FAT2: variants seen among roughly 807,000 people sequenced by gnomAD.
FAT2 encodes the protein FAT atypical cadherin 2, also known as protocadherin Fat 2.
In FAT2, 150 loss-of-function variants were observed where a neutral mutation model predicts 295.3. The ratio of observed to expected loss-of-function variants is 0.51; its 90% CI spans 0.44 to 0.58. The LOEUF is 0.58. FAT2 is among the 20% of genes least tolerant of loss of function. The pLI is 0.00. For synonymous variants in FAT2, 2,026 were observed against 2,150.3 expected, an observed-to-expected ratio of 0.94 and a Z score of 1.60; for missense variants, 4,868 against 5,442.7, an observed-to-expected ratio of 0.89 and a Z score of 3.32.
In FAT2 at chr5:151,505,620, T is replaced by C. The variant is rs781585839; in HGVS notation, c.12995A>G (p.Glu4332Gly). ...QGQPRVPPNY[E>G]GSDMVESDYG... The stretch of plus-strand genomic sequence containing the variant: ...ATCACTCTCCACCATGTCAGAGCCC[T>C]CATAGTTGGGGGGCACCCGGGGCTG... The change falls in exon 24 of 24, where the codon GAG becomes GGG. Residue 4332 changes from glutamate to glycine, a missense_variant. Transcript: ENST00000261800. 1.2e-5 allele frequency: 20 copies of C among 1,614,016 alleles called. No individual in the cohort carries two copies. In the Admixed American group the frequency reaches 2.2e-4, roughly 17 times the overall value.
chr5:151,570,133 A>G (rs1758462435), intron 1 of FAT2, among the ~76,000 whole-genome samples: 1 of 152,240 alleles, frequency 6.6e-6, no homozygotes. Context: ...ACTAAGGTTC[A>G]TAAAAGGAAG....
At chr5:151,556,244 AC>A in intron 4 of FAT2, 99 bp downstream of exon 4, 1 of 983,090 alleles carries the variant, frequency 1.0e-6, no homozygotes, top group Non-Finnish European at 1.6e-6. Flanking sequence ...TCCTCCCTGA[AC>A]CCAGACCCTC....
intron 10 of FAT2, 30 bp from the exon 11 acceptor site, chr5:151,540,793 C>G: frequency 6.3e-7 from 1 of 1,587,936 alleles, no homozygotes; most frequent in Non-Finnish European, 8.6e-7. Context: ...CTTTCAGAAG[C>G]CAAGCAATAG....
chr5:151,584,626 T>TA (rs1280086841), intron 1 of FAT2, among the ~76,000 whole-genome samples: 3 of 152,182 alleles, frequency 2.0e-5, no homozygotes, highest in African/African-American at 7.2e-5. Context: ...ACCTAGCACT[T>TA]AGTGAGCGCT....
At chr5:151,571,319 G>C (rs536234281) in intron 1 of FAT2, among the ~76,000 whole-genome samples, 1 of 152,250 alleles carries the variant, frequency 6.6e-6, no homozygotes, top group African/African-American at 2.4e-5. Flanking sequence ...CCAAGGGAAA[G>C]TGAGTCCTCA....
In FAT2 at chr5:151,545,400, A is replaced by G. The variant is rs1376341068; in HGVS notation, c.5727T>C (p.Thr1909=). 2.5e-6 allele frequency: 4 copies of G among 1,614,204 alleles called. No individual in the cohort carries two copies. The East Asian group carries it at 6.7e-5, about 27-fold the overall frequency. Residue 1909 remains threonine, a synonymous_variant, in exon 10 of 24, where the codon ACT becomes ACC. Transcript: ENST00000261800. ...TGGTAACAGCTTCATCAGCATTGCC[A>G]GTTTTGATGCTATAATTGACTTCTG... The part of the protein sequence containing the change: ...EDSEVNYSIK[T]GNADEAVTIH...
chr5:151,551,333 G>C, intron 7 of FAT2, 134 bp downstream of exon 7: 1 of 922,100 alleles, frequency 1.1e-6, no homozygotes, highest in Non-Finnish European at 1.6e-6. Flanking sequence ...GAGTGTATTA[G>C]ACAAGAACTT....
chr5:151,538,163 G>A (rs1000552493), intron 11 of FAT2, among the ~76,000 whole-genome samples: 1 of 152,168 alleles, frequency 6.6e-6, no homozygotes, highest in African/African-American at 2.4e-5. Context: ...GATGAAACAT[G>A]CAAGGAAAAC....
rs1278083143 is a variant in FAT2, at chr5:151,544,617, C to G, written c.6510G>C (p.Leu2170=). 2.5e-6 allele frequency: 4 copies of G among 1,614,118 alleles called. No homozygotes were observed. Among genetic ancestry groups the G allele is most frequent in the Non-Finnish European group, 3.4e-6 (4 of 1,180,018 alleles). The change falls in exon 10 of 24, where the codon CTG becomes CTC. Residue 2170 remains leucine (L), a synonymous_variant. Transcript: ENST00000261800. ...TGACTTTGTAATAAGGACTCTGAAA[C>G]AGTGGGTTGGATTTATTTCTCACAG... ...LVTVRNKSNP[L]FQSPYYKVRV...
intron 1 of FAT2, among the ~76,000 whole-genome samples, chr5:151,590,331 C>T (rs1759350149): frequency 6.6e-6 from 1 of 152,218 alleles, no homozygotes; most frequent in Admixed American, 6.5e-5. Flanking sequence ...TTTCTGAGCC[C>T]TTGGCAAACT....
chr5:151,547,082 T>G (rs2127615825), intron 9 of FAT2, among the ~76,000 whole-genome samples: 1 of 152,312 alleles, frequency 6.6e-6, no homozygotes, highest in Non-Finnish European at 1.5e-5. Flanking sequence ...ATTAACTCAC[T>G]CAAATTTTGA....
rs1753476061 is a variant in FAT2 at position 151,521,687 on chromosome 5, A to C, written c.10906T>G (p.Tyr3636Asp). 1.2e-6 allele frequency: 2 copies of C among 1,614,004 alleles called. No homozygotes were observed. The highest frequency in any genetic ancestry group is 1.7e-6 in the Non-Finnish European group (2 of 1,180,008). Residue 3636 changes from tyrosine to aspartate, a missense_variant, in exon 19 of 24, where the codon TAC becomes GAC. Around this residue, in one of 5 missense-constraint regions of FAT2, gnomAD observed 1,046 missense variants for 1,210.1 expected, o/e 0.86. Coordinates refer to ENST00000261800, the MANE Select transcript of FAT2 (RefSeq NM_001447.3). ...ACCAGCTCCTCGGGGGTGAGCTGGT[A>C]GAAGCCCATCCACATGGCCTGCTGC... Reference protein sequence around the residue: ...ALQQAMWMGFYQLTPEELVSD... With the variant: ...ALQQAMWMGFDQLTPEELVSD...
At chr5:151,554,212 C>G (rs939127486) in intron 5 of FAT2, 150 bp downstream of exon 5, 5 of 713,608 alleles carry the variant, frequency 7.0e-6, no homozygotes, top group Middle Eastern at 4.0e-4. Flanking sequence ...TTGGCTGAAG[C>G]TGAGACTCCC....
chr5:151,512,855 A>AAACTGAGGC lies in FAT2; in HGVS notation c.11464-258_11464-250dup. The AAACTGAGGC allele has an allele frequency of 1.9e-6, 1 of 532,316 alleles. No individual in the cohort carries two copies. Among genetic ancestry groups the AAACTGAGGC allele is most frequent in the Non-Finnish European group, 3.4e-6 (1 of 297,402 alleles). 33.0% of individuals were successfully genotyped at this position (532,316 alleles called of 1,614,324 possible). ...GTGACATCTCCATTCACAGATGAGG[A>AAACTGAGGC]AACTGAGGCCGAGAGATGCTTTGCT... On this transcript the variant is annotated intron_variant, in intron 20 of 23. Coordinates refer to ENST00000261800, the MANE Select transcript of FAT2 (RefSeq NM_001447.3). This position sits in a 1 kb window ranked among gnomAD's most constrained non-coding sequence, Gnocchi z 4.1.
At chr5:151,576,179 T>C (rs1758740233) in intron 1 of FAT2, among the ~76,000 whole-genome samples, 1 of 152,130 alleles carries the variant, frequency 6.6e-6, no homozygotes, top group Admixed American at 6.5e-5. Flanking sequence ...TAGAAAGATA[T>C]GGAAGGGAAA....
At chr5:151,516,638 A>T (rs1436018985) in intron 20 of FAT2, among the ~76,000 whole-genome samples, 1 of 152,200 alleles carries the variant, frequency 6.6e-6, no homozygotes, top group Non-Finnish European at 1.5e-5. Flanking sequence ...TATTATGTTT[A>T]TGTTTATTGT....
At position 151,568,825 on chromosome 5, in the gene FAT2, G is replaced by T. The variant is rs574821566; in HGVS notation, c.107C>A (p.Ser36Tyr). ...TTCATAGATGGTGGCATTGTAATGG[G>T]AGTGTGTGAAGTGCCAAGCAGAGGA... ...LSSSAWHFTH[S>Y]HYNATIYENS... Residue 36 changes from serine (S) to tyrosine (Y), a missense_variant, in exon 2 of 24, where the codon TCC becomes TAC. Physicochemically the swap from Ser to Tyr is moderately radical, Grantham distance 144. Transcript: ENST00000261800. The T allele has an allele frequency of 4.8e-5, 78 of 1,614,100 alleles. 1 individual carries two copies. In the South Asian group the frequency reaches 7.8e-4, roughly 16 times the overall value.
At position 151,529,239 on chromosome 5, in the gene FAT2, G is replaced by A. The variant is rs1279326327; in HGVS notation, c.9965C>T (p.Pro3322Leu). 9.9e-6 allele frequency: 16 copies of A among 1,613,996 alleles called. No individual in the cohort carries two copies. The East Asian group carries it at 3.3e-4, about 34-fold the overall frequency. Residue 3322 changes from proline (P) to leucine (L), a missense_variant, in exon 15 of 24, where the codon CCC becomes CTC. Pro to Leu is a moderately conservative substitution (Grantham distance 98, BLOSUM62 -3). Around this residue, in one of 5 missense-constraint regions of FAT2, gnomAD observed 1,046 missense variants for 1,210.1 expected, o/e 0.86. Transcript: ENST00000261800. ...TDVNEHRPQF[P>L]QDPYSTRVLE... Reference sequence around the variant, plus strand: ...GACCCTTGTGCTATATGGATCTTGGGGGAATTGGGGCCGGTGTTCATTGAC... The same window carrying A: ...GACCCTTGTGCTATATGGATCTTGGAGGAATTGGGGCCGGTGTTCATTGAC...
rs1756616661 is a variant in FAT2, at chr5:151,546,215, G to T, written c.4912C>A (p.Pro1638Thr). 2 of 1,614,138 alleles carry T rather than the reference G, an allele frequency of 1.2e-6. No individual in the cohort carries two copies. Among genetic ancestry groups the T allele is most frequent in the East Asian group, 4.5e-5 (2 of 44,864 alleles). Reference sequence around the variant, plus strand: ...ACTGTAGCCAGGTCATGCCATTGTGGGGAGCCTTGATCTTCTGCCTTCACT... The same window carrying T: ...ACTGTAGCCAGGTCATGCCATTGTGTGGAGCCTTGATCTTCTGCCTTCACT... ...LTVKAEDQGS[P>T]QWHDLATVII... Residue 1638 changes from proline to threonine, a missense_variant, in exon 10 of 24, where the codon CCA becomes ACA. Physicochemically the swap from Pro to Thr is conservative, Grantham distance 38. Transcript: ENST00000261800.
Sources: gnomAD v4.1 joint callset for allele counts (sites outside exome capture counted in the v4.1 genomes callset) on GRCh38, gnomAD v4.1.1 for gene constraint, gnomAD v4.1.1 regional missense constraint, Gnocchi (gnomAD v3.1) non-coding constraint, MANE v1.5 for transcripts, NCBI Gene and HGNC (gene_info 2026-07-23, HGNC 2026-07-21) for gene names.